The following CEP97 variants were observed in gnomAD, a reference collection of about 807,000 sequenced individuals.
CEP97 encodes centrosomal protein of 97 kDa.
In CEP97, 43 loss-of-function variants were observed where a neutral mutation model predicts 73.1. The observed-to-expected ratio is 0.59, with a 90% CI of 0.46 to 0.76. The LOEUF is 0.76. Among genes scored for constraint, CEP97 ranks in the 30% least tolerant of loss-of-function variants. The pLI is 0.00. For missense variants in CEP97, 939 were observed against 1,014.0 expected, an observed-to-expected ratio of 0.93 and a Z score of 1.00; for synonymous variants, 337 against 370.0, an observed-to-expected ratio of 0.91 and a Z score of 1.02.
In CEP97 at chr3:101,741,056, G is replaced by C. The variant is rs147180816; in HGVS notation, c.728+8402G>C. 5.1e-3 allele frequency among the ~76,000 whole-genome samples: 774 copies of C among 152,294 alleles called. 61 individuals carry two copies. The East Asian group carries it at 0.14, about 28-fold the overall frequency. On this transcript the variant is annotated intron_variant, in intron 6 of 10. Coordinates refer to ENST00000341893, the MANE Select transcript of CEP97 (RefSeq NM_024548.4). Reference sequence around the variant, plus strand: ...AGGCTACAGTAACCAAAACAGTGTAGTACTGGTACCAAAACAGTTATATAG... The same window carrying C: ...AGGCTACAGTAACCAAAACAGTGTACTACTGGTACCAAAACAGTTATATAG...
At chr3:101,753,996 C>T (rs1056621664) in intron 6 of CEP97, among the ~76,000 whole-genome samples, 29 of 148,828 alleles carry the variant, frequency 1.9e-4, no homozygotes, top group African/African-American at 4.4e-4. Flanking sequence ...TCTTCTGCAT[C>T]GCTCATGCTG....
Position 101,770,517 on chromosome 3 carries a change from T to C in CEP97, c.*4966T>C, listed in dbSNP as rs1939433035. ...TATTTTATATTGTACTTATTTAATT[T>C]GTATTTGAGTCTGTCTAATTTTAAA... On this transcript the variant is annotated 3_prime_UTR_variant, in exon 11 of 11. Coordinates refer to ENST00000341893, the MANE Select transcript of CEP97 (RefSeq NM_024548.4). 1 of 152,330 alleles carries C rather than the reference T, an allele frequency of 6.6e-6. No individual in the cohort carries two copies. The highest frequency in any genetic ancestry group is 2.1e-4 in the South Asian group (1 of 4,828). 9.4% of individuals were successfully genotyped at this position (152,330 alleles called of 1,614,324 possible). A position where few individuals can be genotyped will look rare whatever the true frequency, so the allele number is the denominator to read the frequency against.
At chr3:101,752,873 T>A (rs1271688237) in intron 6 of CEP97, among the ~76,000 whole-genome samples, 1 of 152,214 alleles carries the variant, frequency 6.6e-6, no homozygotes, top group Non-Finnish European at 1.5e-5. Flanking sequence ...TTTGATCTTC[T>A]GAAGCCTTCT....
intron 6 of CEP97, among the ~76,000 whole-genome samples, chr3:101,735,752 C>T (rs1259415141): frequency 6.6e-6 from 1 of 152,202 alleles, no homozygotes; most frequent in Non-Finnish European, 1.5e-5. Flanking sequence ...CCCTGGGTTT[C>T]AAGCACAAAA....
In CEP97 at chr3:101,740,593, C is replaced by T. The variant is rs920282381; in HGVS notation, c.728+7939C>T. On this transcript the variant is annotated intron_variant, in intron 6 of 10. Transcript: ENST00000341893. ...TCCTCATCAAGCTACCATTGACTTT[C>T]TTTTTTTTTTTTTGAGACGGAGTTT... Among the ~76,000 whole-genome samples the T allele has an allele frequency of 6.7e-3, 971 of 145,022 alleles. 6 individuals carry two copies. Among genetic ancestry groups the T allele is most frequent in the Non-Finnish European group, 9.8e-3 (641 of 65,470 alleles).
intron 6 of CEP97, among the ~76,000 whole-genome samples, chr3:101,736,978 C>T (rs1475490508): frequency 6.6e-6 from 1 of 152,020 alleles, no homozygotes. Context: ...CTAGAATAAC[C>T]AGTTTAGAGA....
In CEP97 at chr3:101,757,715, C is replaced by T. The variant is rs775289501; in HGVS notation, c.1109C>T (p.Ala370Val). The stretch of plus-strand genomic sequence containing the variant: ...TTTGCGGTTAAGAATAATTTTCCAG[C>T]CTCTGTACACACTACGAGATATTCT... Reference protein sequence around the residue: ...QLFAVKNNFPASVHTTRYSRN... With the variant: ...QLFAVKNNFPVSVHTTRYSRN... Residue 370 changes from alanine (A) to valine (V), a missense_variant, in exon 9 of 11, where the codon GCC becomes GTC. Physicochemically the swap from Ala to Val is moderately conservative, Grantham distance 64. Transcript: ENST00000341893. 4 of 1,614,166 alleles carry T rather than the reference C, an allele frequency of 2.5e-6. No individual in the cohort carries two copies. The Admixed American group carries it at 5.0e-5, about 20-fold the overall frequency.
At chr3:101,739,530 T>C (rs1002038846) in intron 6 of CEP97, among the ~76,000 whole-genome samples, 17 of 152,188 alleles carry the variant, frequency 1.1e-4, no homozygotes, top group African/African-American at 4.1e-4. Context: ...TGCAAATCAA[T>C]AAACATAATC....
chr3:101,756,492 A>G (rs764444988), intron 7 of CEP97, among the ~76,000 whole-genome samples: 1 of 151,474 alleles, frequency 6.6e-6, no homozygotes, highest in Non-Finnish European at 1.5e-5. Context: ...GACCCCCTTC[A>G]GTCCGTGCCT....
chr3:101,755,002 C>T (rs1180640291), intron 6 of CEP97, among the ~76,000 whole-genome samples: 1 of 151,662 alleles, frequency 6.6e-6, no homozygotes, highest in African/African-American at 2.4e-5. Context: ...TCAAGTGATC[C>T]TCCCACCCCA....
Position 101,758,002 on chromosome 3 carries a change from A to T in CEP97, c.1396A>T (p.Met466Leu). Residue 466 changes from methionine to leucine, a missense_variant, in exon 9 of 11, where the codon ATG (methionine) becomes TTG (leucine). Met to Leu is a conservative substitution (Grantham distance 15). Coordinates refer to ENST00000341893, the MANE Select transcript of CEP97 (RefSeq NM_024548.4). ...GGCTGCAAATGAGAATTCTGTTCAA[A>T]TGATGAGAAGTGAAATCAATACAGA... is the stretch of plus-strand genomic sequence containing the variant. ...LWAANENSVQ[M>L]MRSEINTEVN... 1 of 1,614,250 alleles carries T rather than the reference A, an allele frequency of 6.2e-7. No individual in the cohort carries two copies. Among genetic ancestry groups the T allele is most frequent in the East Asian group, 2.2e-5 (1 of 44,890 alleles).
At chr3:101,733,298 A>T (rs1938171579) in intron 6 of CEP97, among the ~76,000 whole-genome samples, 1 of 152,144 alleles carries the variant, frequency 6.6e-6, no homozygotes, top group Admixed American at 6.5e-5. Context: ...GATCAGTCTC[A>T]CAAAAGCTTG....
In CEP97 at chr3:101,765,408, G is replaced by C; in HGVS notation, c.2455G>C (p.Asp819His). ...LDTLSDGASV[D>H]ESHGISPPLQ... ...TACATTGTCTGACGGTGCTTCTGTAGATGAGAGTCATGGCATATCTCCTCC... is the reference window on the plus strand; with the variant it reads ...TACATTGTCTGACGGTGCTTCTGTACATGAGAGTCATGGCATATCTCCTCC... The change falls in exon 11 of 11, where the codon GAT becomes CAT. Residue 819 changes from aspartate to histidine, a missense_variant. Physicochemically the swap from Asp to His is moderately conservative, Grantham distance 81 (BLOSUM62 -1). Transcript: ENST00000341893. 1 of 1,614,174 alleles carries C rather than the reference G, an allele frequency of 6.2e-7. No individual in the cohort carries two copies. Among genetic ancestry groups the C allele is most frequent in the South Asian group, 1.1e-5 (1 of 91,080 alleles).
chr3:101,735,580 G>A (rs915488637), intron 6 of CEP97, among the ~76,000 whole-genome samples: 14 of 152,180 alleles, frequency 9.2e-5, no homozygotes, highest in Non-Finnish European at 1.6e-4. Flanking sequence ...TGCCTCACCC[G>A]GGAAGTGCAA....
chr3:101,749,215 A>G (rs549840124), intron 6 of CEP97, among the ~76,000 whole-genome samples: 8 of 145,776 alleles, frequency 5.5e-5, no homozygotes, highest in African/African-American at 1.3e-4. Flanking sequence ...TCATTGTTCA[A>G]TTCCCACCTA....
chr3:101,727,592 A>G (rs1488614783), intron 3 of CEP97, 51 bp downstream of exon 3: 1 of 1,512,104 alleles, frequency 6.6e-7, no homozygotes, highest in Non-Finnish European at 8.9e-7. Flanking sequence ...AAAAAAATTC[A>G]AGCAATGTAG....
At chr3:101,742,055 C>CCA (rs1938476495) in intron 6 of CEP97, among the ~76,000 whole-genome samples, 1 of 71,078 alleles carries the variant, frequency 1.4e-5, no homozygotes, top group Non-Finnish European at 3.5e-5. Context: ...AAAAAAAAAA[C>CCA]AAAAAAACAA....
At chr3:101,762,446 C>T (rs1939197142) in intron 9 of CEP97, 39 bp from the exon 10 acceptor site, 5 of 1,357,388 alleles carry the variant, frequency 3.7e-6, no homozygotes, top group Non-Finnish European at 4.2e-6. Context: ...AGTCAAAGCA[C>T]CCTTCCTTAT....
chr3:101,725,701 C>G (rs1364471274), intron 1 of CEP97, among the ~76,000 whole-genome samples: 1 of 152,130 alleles, frequency 6.6e-6, no homozygotes, highest in African/African-American at 2.4e-5. Flanking sequence ...TGCAGTAGTC[C>G]TAATCTGGGT....
Sources: gnomAD v4.1 joint callset for allele counts (sites outside exome capture counted in the v4.1 genomes callset) on GRCh38, gnomAD v4.1.1 for gene constraint, MANE v1.5 for transcripts, NCBI Gene and HGNC (gene_info 2026-07-23, HGNC 2026-07-21) for gene names.